GXYLT2: variants seen among roughly 807,000 people sequenced by gnomAD.
The protein encoded by GXYLT2 is glycosyltransferase 8 domain containing 4.
GXYLT2 carries 53 observed loss-of-function variants against 45.8 expected under a neutral mutation model. That is an observed-to-expected ratio of 1.16 (90% CI 0.93 to 1.46). The LOEUF is 1.46. Ranked by LOEUF, GXYLT2 falls within the 40% of genes most tolerant of loss-of-function variation. The pLI, the probability that GXYLT2 is intolerant of heterozygous loss-of-function variation, is 0.00. For missense variants in GXYLT2, 551 were observed against 544.4 expected (o/e 1.01, Z -0.12); for synonymous variants, 219 against 214.2 (o/e 1.02, Z -0.19).
intron 3 of GXYLT2, among the ~76,000 whole-genome samples, chr3:72,924,515 T>C (rs928822787): frequency 2.6e-5 from 4 of 152,114 alleles, no homozygotes; most frequent in African/African-American, 9.7e-5. Flanking sequence ...AGTCTTTTTC[T>C]TAAGGGCAGT....
chr3:72,962,967 C>CA (rs940482875), intron 5 of GXYLT2, among the ~76,000 whole-genome samples: 1 of 139,006 alleles, frequency 7.2e-6, no homozygotes, highest in Non-Finnish European at 1.6e-5. Context: ...AAAAAAAAAA[C>CA]AAAAAAACTA....
At chr3:72,900,253 C>T (rs1352579128) in intron 1 of GXYLT2, among the ~76,000 whole-genome samples, 1 of 152,160 alleles carries the variant, frequency 6.6e-6, no homozygotes, top group Non-Finnish European at 1.5e-5. Flanking sequence ...TAAGGAGACG[C>T]TTGTCTCAGG....
intron 2 of GXYLT2, among the ~76,000 whole-genome samples, chr3:72,912,013 A>ATATATATTTT (rs1156864738): frequency 5.7e-4 from 65 of 114,874 alleles, no homozygotes; most frequent in African/African-American, 2.5e-3. Flanking sequence ...ATATATATAT[A>ATATATATTTT]TTTTTTTTTT....
chr3:72,915,624 G>A (rs1252308150), intron 2 of GXYLT2, among the ~76,000 whole-genome samples: 2 of 152,002 alleles, frequency 1.3e-5, no homozygotes, highest in East Asian at 3.9e-4. Context: ...ATCACCTGAG[G>A]TTGGGAGTTC....
chr3:72,931,846 T>C (rs1710043290), intron 3 of GXYLT2, among the ~76,000 whole-genome samples: 1 of 151,936 alleles, frequency 6.6e-6, no homozygotes, highest in African/African-American at 2.4e-5. Flanking sequence ...AACTAAAAAT[T>C]GGTACTTTGA....
chr3:72,960,241 T>C lies in GXYLT2; in HGVS notation c.976+2889T>C, dbSNP rs565798148. ...CGGCCCTTTTCTTTAAATACTGCAT[T>C]TTCCTCTTTGTCATGTGGCCAAAAC... On this transcript the variant is annotated intron_variant, in intron 5 of 6. Coordinates refer to ENST00000389617, the MANE Select transcript of GXYLT2 (RefSeq NM_001080393.2). 2.0e-5 allele frequency among the ~76,000 whole-genome samples: 3 copies of C among 152,274 alleles called. No homozygotes were observed. In the South Asian group the frequency reaches 6.2e-4, roughly 32 times the overall value.
At chr3:72,929,268 A>T (rs1292276860) in intron 3 of GXYLT2, 1 of 1,430,960 alleles carries the variant, frequency 7.0e-7, no homozygotes, top group Non-Finnish European at 9.7e-7. Flanking sequence ...TTGCAGAACC[A>T]ACGAGGTGGC....
chr3:72,939,616 G>A (rs1710261222), intron 3 of GXYLT2, among the ~76,000 whole-genome samples: 1 of 151,764 alleles, frequency 6.6e-6, no homozygotes, highest in Non-Finnish European at 1.5e-5. Flanking sequence ...TTAAAGGGAA[G>A]TATCTCAAAG....
intron 5 of GXYLT2, among the ~76,000 whole-genome samples, chr3:72,963,022 T>C (rs573747400): frequency 6.6e-6 from 1 of 151,778 alleles, no homozygotes; most frequent in African/African-American, 2.4e-5. Context: ...ATACAGAGTA[T>C]TAAGCGAGGC....
chr3:72,917,947 CTT>C (rs949408862), intron 2 of GXYLT2, among the ~76,000 whole-genome samples: 1 of 152,050 alleles, frequency 6.6e-6, no homozygotes, highest in Non-Finnish European at 1.5e-5. Flanking sequence ...AATGGGATCT[CTT>C]TTATATCACT....
intron 4 of GXYLT2, 85 bp downstream of exon 4, chr3:72,955,434 AT>A (rs1287564964): frequency 2.9e-6 from 4 of 1,361,982 alleles, no homozygotes; most frequent in Non-Finnish European, 3.0e-6. Context: ...CAATATGCTG[AT>A]TTTGGAAATT....
At chr3:72,952,843 T>A (rs75792066) in intron 3 of GXYLT2, among the ~76,000 whole-genome samples, 1 of 152,036 alleles carries the variant, frequency 6.6e-6, no homozygotes, top group Non-Finnish European at 1.5e-5. Flanking sequence ...AGCCATCACA[T>A]TGTGGGTTAG....
intron 1 of GXYLT2, among the ~76,000 whole-genome samples, chr3:72,907,354 T>C (rs1011056180): frequency 6.6e-6 from 1 of 152,188 alleles, no homozygotes; most frequent in Non-Finnish European, 1.5e-5. Flanking sequence ...TATTCAACCA[T>C]GCAGTGAATA....
At chr3:72,904,535 G>A (rs986973896) in intron 1 of GXYLT2, among the ~76,000 whole-genome samples, 7 of 151,786 alleles carry the variant, frequency 4.6e-5, no homozygotes, top group African/African-American at 1.7e-4. Flanking sequence ...AATGATTGTC[G>A]TCCCTAGCCC....
intron 1 of GXYLT2, among the ~76,000 whole-genome samples, chr3:72,896,233 C>T (rs542236493): frequency 6.6e-6 from 1 of 152,270 alleles, no homozygotes; most frequent in African/African-American, 2.4e-5. Flanking sequence ...GTGCTGACAC[C>T]GAACATGCCA....
intron 2 of GXYLT2, among the ~76,000 whole-genome samples, chr3:72,919,795 G>C (rs1199682282): frequency 2.6e-5 from 4 of 152,178 alleles, no homozygotes; most frequent in Non-Finnish European, 5.9e-5. Flanking sequence ...AGGCAGGAAT[G>C]TTGAAAAGTT....
intron 1 of GXYLT2, among the ~76,000 whole-genome samples, chr3:72,894,639 G>A (rs1709247944): frequency 6.6e-6 from 1 of 152,246 alleles, no homozygotes; most frequent in South Asian, 2.1e-4. Flanking sequence ...AACCCAGAGA[G>A]TCAGTCTTAC....
At chr3:72,912,246 G>A (rs1014163418) in intron 2 of GXYLT2, among the ~76,000 whole-genome samples, 3 of 151,968 alleles carry the variant, frequency 2.0e-5, no homozygotes, top group Admixed American at 6.6e-5. Flanking sequence ...CTGACCTCAA[G>A]TAATCTACCT....
At chr3:72,922,527 G>C (rs1228636122) in intron 3 of GXYLT2, among the ~76,000 whole-genome samples, 192 bp downstream of exon 3, 1 of 152,188 alleles carries the variant, frequency 6.6e-6, no homozygotes, top group Non-Finnish European at 1.5e-5. Flanking sequence ...GAAAGACTGA[G>C]GGACTGTGAG....
Sources: allele counts gnomAD v4.1 joint callset (sites outside exome capture counted in the v4.1 genomes callset), GRCh38; gene constraint gnomAD v4.1.1; transcripts MANE v1.5; gene names NCBI Gene and HGNC (gene_info 2026-07-23, HGNC 2026-07-21).